ATG16L1: variants seen among roughly 807,000 people sequenced by gnomAD.
ATG16L1 encodes autophagy-related protein 16-1.
Under a neutral mutation model 88.5 loss-of-function variants are expected in ATG16L1, and 37 were observed. The observed-to-expected ratio is 0.42, with a 90% CI of 0.32 to 0.55. The LOEUF (loss-of-function observed/expected upper bound fraction) is 0.55, where lower values mean the gene tolerates loss of function less well. Ranked by LOEUF, ATG16L1 falls within the 20% of genes least tolerant of loss-of-function variation. ATG16L1 has a pLI of 0.13. For synonymous variants in ATG16L1, 301 were observed against 281.0 expected (o/e 1.07, Z -0.71); for missense variants, 554 against 752.8 (o/e 0.74, Z 3.09).
intron 4 of ATG16L1, among the ~76,000 whole-genome samples, chr2:233,264,517 G>A (rs952346780): frequency 2.0e-5 from 3 of 152,200 alleles, no homozygotes; most frequent in Admixed American, 1.3e-4. Context: ...CTGGGGTAGC[G>A]TGTGCTTGGG....
At chr2:233,277,806 A>G in intron 10 of ATG16L1, 133 bp downstream of exon 10, 1 of 724,008 alleles carries the variant, frequency 1.4e-6, no homozygotes, top group African/African-American at 1.8e-5. Flanking sequence ...TTCTCAAAAC[A>G]TACATTTTAT....
rs1696392379 is a variant in ATG16L1 at position 233,251,869 on chromosome 2, G to A, written c.42G>A (p.Lys14=). ...GLRAADFPRW[K]RHISEQLRRR... ...GCGCCGCTGACTTCCCCCGCTGGAA[G>A]CGCCACATCTCGGAGCAACTGAGGC... Residue 14 remains lysine, a synonymous_variant, in exon 1 of 18, where the codon AAG becomes AAA. Coordinates refer to ENST00000392017, the MANE Select transcript of ATG16L1 (RefSeq NM_030803.7). The A allele has an allele frequency of 1.3e-6, 2 of 1,550,690 alleles. No homozygotes were observed. The highest frequency in any genetic ancestry group is 4.9e-5 in the East Asian group (2 of 40,954).
chr2:233,282,361 C>G (rs1698774634), intron 11 of ATG16L1, among the ~76,000 whole-genome samples: 1 of 152,140 alleles, frequency 6.6e-6, no homozygotes, highest in Non-Finnish European at 1.5e-5. Flanking sequence ...AAGGGTGCCT[C>G]TGAGGTTTCT....
chr2:233,283,132 A>T (rs773796017), intron 12 of ATG16L1: 6 of 189,144 alleles, frequency 3.2e-5, no homozygotes, highest in Non-Finnish European at 5.6e-5. Context: ...AAATGGATGT[A>T]TCATAGGGAT....
chr2:233,289,016 G>C (rs1699271638), intron 12 of ATG16L1: 1 of 449,328 alleles, frequency 2.2e-6, no homozygotes, highest in East Asian at 5.7e-5. Flanking sequence ...AATTATGCCT[G>C]TGGTGACCTT....
At chr2:233,287,651 G>A (rs1574899383) in intron 12 of ATG16L1, among the ~76,000 whole-genome samples, 4 of 152,340 alleles carry the variant, frequency 2.6e-5, no homozygotes, top group Admixed American at 2.6e-4. Flanking sequence ...GCCGAGGCAG[G>A]CGGATCACTT....
chr2:233,290,848 A>G (rs1375868120), intron 14 of ATG16L1, among the ~76,000 whole-genome samples: 2 of 152,188 alleles, frequency 1.3e-5, no homozygotes, highest in Non-Finnish European at 2.9e-5. Flanking sequence ...TGAGGGGGCT[A>G]TGAGGGGTTG....
chr2:233,286,449 CAGAT>C (rs894614134), intron 12 of ATG16L1, among the ~76,000 whole-genome samples: 31 of 151,968 alleles, frequency 2.0e-4, no homozygotes, highest in Middle Eastern at 6.8e-3. Flanking sequence ...AAACACCTAA[CAGAT>C]AGAAGAATTT....
chr2:233,254,178 G>A (rs1696617207), intron 1 of ATG16L1, among the ~76,000 whole-genome samples: 1 of 152,224 alleles, frequency 6.6e-6, no homozygotes, highest in Non-Finnish European at 1.5e-5. Flanking sequence ...GATGGGGCAG[G>A]AGCATGTAGA....
intron 9 of ATG16L1, among the ~76,000 whole-genome samples, chr2:233,276,177 T>A (rs1377930370): frequency 6.6e-6 from 1 of 152,206 alleles, no homozygotes; most frequent in African/African-American, 2.4e-5. Flanking sequence ...CCGTGATACT[T>A]CAAGCATTTT....
In ATG16L1 at chr2:233,256,147, A is replaced by G. The variant is rs1202569523; in HGVS notation, c.161A>G (p.Gln54Arg). The G allele has an allele frequency of 6.2e-7, 1 of 1,614,056 alleles. No homozygotes were observed. Among genetic ancestry groups the G allele is most frequent in the East Asian group, 2.2e-5 (1 of 44,888 alleles). Residue 54 changes from glutamine to arginine, a missense_variant, in exon 2 of 18, where the codon CAG becomes CGG. Physicochemically the swap from Gln to Arg is conservative, Grantham distance 43 (BLOSUM62 1). Around this residue, in one of 5 missense-constraint regions of ATG16L1, gnomAD observed 101 missense variants for 107.0 expected, o/e 0.94. Coordinates refer to ENST00000392017, the MANE Select transcript of ATG16L1 (RefSeq NM_030803.7). The stretch of plus-strand genomic sequence containing the variant: ...TCAGATCTTCATTCAGTGTTGGCCC[A>G]GAAACTACAGGCTGAAAAGCATGAC... ...EKSDLHSVLA[Q>R]KLQAEKHDVP... is the part of the protein sequence containing the mutation.
At chr2:233,280,204 C>T (rs1241719368) in intron 10 of ATG16L1, among the ~76,000 whole-genome samples, 1 of 152,180 alleles carries the variant, frequency 6.6e-6, no homozygotes, top group Admixed American at 6.5e-5. Flanking sequence ...CTTAGAAGTA[C>T]TGAATAAGAT....
In ATG16L1 at chr2:233,293,256, C is replaced by T. The variant is rs749479770; in HGVS notation, c.1629C>T (p.Ser543=). Residue 543 remains serine, a splice_region_variant and synonymous_variant, in exon 17 of 18, where the codon AGC becomes AGT. Coordinates refer to ENST00000392017, the MANE Select transcript of ATG16L1 (RefSeq NM_030803.7). ...TTTCTTTTCTTACTGTCTTCTGTAG[C>T]CCTGATGGCAGTTACGTGGCGGCAG... ...CGSDWTRVVF[S]PDGSYVAAGS... is the part of the protein sequence containing the mutation. 5.9e-5 allele frequency: 96 copies of T among 1,613,596 alleles called. No homozygotes were observed. The highest frequency in any genetic ancestry group is 7.6e-5 in the Non-Finnish European group (90 of 1,179,618).
rs752000242 is a variant in ATG16L1, at chr2:233,274,796, C to T, written c.954+18C>T. ...GTGTCTTCGTAAGTATGCTTCAGCC[C>T]CGAACCCTACCACGCTTGATATGGT... On this transcript the variant is annotated intron_variant, in intron 9 of 17. Coordinates refer to ENST00000392017, the MANE Select transcript of ATG16L1 (RefSeq NM_030803.7). 1.9e-6 allele frequency: 3 copies of T among 1,572,972 alleles called. No individual in the cohort carries two copies. Among genetic ancestry groups the T allele is most frequent in the South Asian group, 1.1e-5 (1 of 90,036 alleles).
At chr2:233,274,869 A>T (rs139381267) in intron 9 of ATG16L1, 91 bp downstream of exon 9, 29 of 873,444 alleles carry the variant, frequency 3.3e-5, no homozygotes, top group African/African-American at 1.0e-4. Context: ...GCAGCTAAGC[A>T]TTCCATTGTT....
In ATG16L1 at chr2:233,282,676, C is replaced by T; in HGVS notation, c.1132-6C>T. ...AAATTGGTTTTCCTCTTCTTTATTC[C>T]CACAGGGATCTTACCTCTTAGCAGC... is the stretch of plus-strand genomic sequence containing the variant. On this transcript the variant is annotated splice_region_variant and splice_polypyrimidine_tract_variant and intron_variant, in intron 11 of 17. Transcript: ENST00000392017. 6.2e-7 allele frequency: 1 copy of T among 1,613,672 alleles called. No individual in the cohort carries two copies. Among genetic ancestry groups the T allele is most frequent in the Non-Finnish European group, 8.5e-7 (1 of 1,179,708 alleles).
chr2:233,291,371 C>G (rs868714496), intron 14 of ATG16L1, among the ~76,000 whole-genome samples: 1 of 152,176 alleles, frequency 6.6e-6, no homozygotes, highest in Non-Finnish European at 1.5e-5. Context: ...TAGTCCATCC[C>G]ATAATTTGAC....
At chr2:233,259,193 T>C (rs1380616848) in intron 2 of ATG16L1, among the ~76,000 whole-genome samples, 5 of 152,054 alleles carry the variant, frequency 3.3e-5, no homozygotes, top group Non-Finnish European at 5.9e-5. Context: ...GAAAGCAGGG[T>C]GGTCTAAAGT....
chr2:233,279,978 G>A (rs78687985), intron 10 of ATG16L1, among the ~76,000 whole-genome samples: 1 of 152,162 alleles, frequency 6.6e-6, no homozygotes, highest in East Asian at 1.9e-4. Flanking sequence ...TTCATCTAAA[G>A]GAAAATCTTA....
Sources: allele counts gnomAD v4.1 joint callset (sites outside exome capture counted in the v4.1 genomes callset), GRCh38; gene constraint gnomAD v4.1.1; regional missense constraint gnomAD v4.1.1; transcripts MANE v1.5; gene names NCBI Gene and HGNC (gene_info 2026-07-23, HGNC 2026-07-21).